The following NTM variants were observed in gnomAD, a reference collection of about 807,000 sequenced individuals.
NTM encodes the protein neurotrimin.
In NTM, 13 loss-of-function variants were observed where a neutral mutation model predicts 42.1. The observed-to-expected ratio is 0.31, with a 90% CI of 0.20 to 0.49. NTM has a LOEUF of 0.49. NTM is among the 20% of genes least tolerant of loss of function. The pLI is 0.99. For missense variants in NTM, 373 were observed against 452.8 expected, an observed-to-expected ratio of 0.82 and a Z score of 1.60; for synonymous variants, 187 against 179.2, an observed-to-expected ratio of 1.04 and a Z score of -0.35.
At chr11:132,294,728 T>C (rs1388628902) in intron 4 of NTM, among the ~76,000 whole-genome samples, 5 of 152,180 alleles carry the variant, frequency 3.3e-5, no homozygotes, top group Non-Finnish European at 7.3e-5. Context: ...TTTGTAGTGA[T>C]GGCAGCAGTT....
intron 1 of NTM, among the ~76,000 whole-genome samples, chr11:131,377,454 T>C (rs529101845): frequency 5.3e-5 from 8 of 152,330 alleles, no homozygotes; most frequent in Non-Finnish European, 1.0e-4. Flanking sequence ...CAGGGAAGAA[T>C]TTGCCTCAGA....
chr11:131,370,796 G>C lies in NTM; in HGVS notation c.-11G>C. 2 of 1,607,946 alleles carry C rather than the reference G, an allele frequency of 1.2e-6. No homozygotes were observed. Among genetic ancestry groups the C allele is most frequent in the Non-Finnish European group, 1.7e-6 (2 of 1,177,014 alleles). On this transcript the variant is annotated 5_prime_UTR_variant, in exon 1 of 9. Transcript: ENST00000683400. The stretch of plus-strand genomic sequence containing the variant: ...TGACAAAAAAGAAGAAAAAGAAGAA[G>C]AAAAAAAATCATGAAAACCATCCAG...
At chr11:131,641,051 G>A (rs942272596) in intron 1 of NTM, among the ~76,000 whole-genome samples, 1 of 152,178 alleles carries the variant, frequency 6.6e-6, no homozygotes, top group Non-Finnish European at 1.5e-5. Context: ...ATATTCTTAG[G>A]AGCAGTCTCT....
At chr11:131,604,510 T>C (rs1055940237) in intron 1 of NTM, among the ~76,000 whole-genome samples, 2 of 152,198 alleles carry the variant, frequency 1.3e-5, no homozygotes, top group East Asian at 1.9e-4. Flanking sequence ...TTTTGAATCA[T>C]AAAAGTTTTA....
intron 1 of NTM, among the ~76,000 whole-genome samples, chr11:131,396,336 C>T (rs893451049): frequency 6.6e-6 from 1 of 152,138 alleles, no homozygotes; most frequent in Non-Finnish European, 1.5e-5. Context: ...CAGTGCCAGG[C>T]GTAGTATCAG....
intron 7 of NTM, among the ~76,000 whole-genome samples, chr11:132,326,922 A>C (rs2095695263): frequency 6.6e-6 from 1 of 152,206 alleles, no homozygotes; most frequent in Non-Finnish European, 1.5e-5. Context: ...ATGGATTTCC[A>C]CTGACAGAGT....
At chr11:131,394,676 G>C (rs1468772809) in intron 1 of NTM, among the ~76,000 whole-genome samples, 4 of 152,158 alleles carry the variant, frequency 2.6e-5, no homozygotes, top group African/African-American at 7.2e-5. Context: ...TATCTAAGAA[G>C]AAGAGCCCTT....
chr11:131,830,177 T>A (rs558580880), intron 1 of NTM, among the ~76,000 whole-genome samples: 1 of 152,338 alleles, frequency 6.6e-6, no homozygotes, highest in Admixed American at 6.5e-5. Context: ...CTCTTTCATT[T>A]GATTAAGTTC....
intron 2 of NTM, among the ~76,000 whole-genome samples, chr11:131,933,483 G>T (rs1263019395): frequency 6.6e-6 from 1 of 152,110 alleles, no homozygotes; most frequent in East Asian, 1.9e-4. Flanking sequence ...TAGGTTAAAG[G>T]TACGAAACGC....
At chr11:131,524,898 G>A (rs2050240607) in intron 1 of NTM, among the ~76,000 whole-genome samples, 1 of 152,236 alleles carries the variant, frequency 6.6e-6, no homozygotes, top group East Asian at 1.9e-4. Flanking sequence ...TGCCTTAGCT[G>A]TGAAAGGGGT....
chr11:131,666,962 G>C (rs146530828), intron 1 of NTM, among the ~76,000 whole-genome samples: 1 of 152,168 alleles, frequency 6.6e-6, no homozygotes, highest in Admixed American at 6.5e-5. Context: ...GTCTGGGGCC[G>C]TGCAGTGTTC....
intron 1 of NTM, among the ~76,000 whole-genome samples, chr11:131,804,923 G>T (rs994651492): frequency 6.6e-6 from 1 of 152,120 alleles, no homozygotes; most frequent in Admixed American, 6.5e-5. Flanking sequence ...AAGACACAGC[G>T]TTCCTTCCTT....
chr11:131,622,695 C>T (rs540421442), intron 1 of NTM, among the ~76,000 whole-genome samples: 76 of 152,206 alleles, frequency 5.0e-4, no homozygotes, highest in Non-Finnish European at 8.7e-4. Flanking sequence ...GCCCCTAGGC[C>T]ACTGTTTTCG....
At position 132,212,002 on chromosome 11, in the gene NTM, A is replaced by G. The variant is rs745941601; in HGVS notation, c.401-20A>G. 1 of 1,600,924 alleles carries G rather than the reference A, an allele frequency of 6.2e-7. No homozygotes were observed. Among genetic ancestry groups the G allele is most frequent in the Non-Finnish European group, 8.5e-7 (1 of 1,175,564 alleles). On this transcript the variant is annotated intron_variant, in intron 3 of 8. Transcript: ENST00000683400. Reference sequence around the variant, plus strand: ...ATGTTTCAGGAGGATTTTTATTTTCATTCTGTCTTGTTTCCACAGTATCTC... The same window carrying G: ...ATGTTTCAGGAGGATTTTTATTTTCGTTCTGTCTTGTTTCCACAGTATCTC...
chr11:131,785,589 G>T (rs1056133712), intron 1 of NTM, among the ~76,000 whole-genome samples: 1 of 152,282 alleles, frequency 6.6e-6, no homozygotes, highest in African/African-American at 2.4e-5. Context: ...TTACTATGAG[G>T]ATAATGAATC....
At chr11:131,399,386 G>C (rs140425531) in intron 1 of NTM, among the ~76,000 whole-genome samples, 23 of 152,288 alleles carry the variant, frequency 1.5e-4, no homozygotes, top group African/African-American at 5.3e-4. Context: ...CAACCCAAAA[G>C]AAGAGTCTCC....
chr11:132,060,829 A>G lies in NTM; in HGVS notation c.168-85453A>G, dbSNP rs368574103. On this transcript the variant is annotated intron_variant, in intron 2 of 8. Transcript: ENST00000683400. ...TGTGATTAATCTTTTTTGATTTTAC[A>G]TGTCTACAAATGGTGTTAGTGGTCA... 2.6e-4 allele frequency among the ~76,000 whole-genome samples: 39 copies of G among 152,282 alleles called. No homozygotes were observed. In the South Asian group the frequency reaches 7.3e-3, roughly 28 times the overall value.
At chr11:132,251,336 A>G (rs1035600070) in intron 4 of NTM, among the ~76,000 whole-genome samples, 1 of 152,184 alleles carries the variant, frequency 6.6e-6, no homozygotes, top group Non-Finnish European at 1.5e-5. Context: ...CTCTTGGTTC[A>G]TGTTTTATCT....
At chr11:131,978,762 A>G (rs1018769883) in intron 2 of NTM, among the ~76,000 whole-genome samples, 12 of 152,226 alleles carry the variant, frequency 7.9e-5, no homozygotes, top group Admixed American at 5.9e-4. Flanking sequence ...TGCACAACCC[A>G]GAGTTTGGAG....
Sources: gnomAD v4.1 joint callset for allele counts (sites outside exome capture counted in the v4.1 genomes callset) on GRCh38, gnomAD v4.1.1 for gene constraint, MANE v1.5 for transcripts, NCBI Gene and HGNC (gene_info 2026-07-23, HGNC 2026-07-21) for gene names.